Variants in NUPR1 observed in about 807,000 individuals in gnomAD.
The protein encoded by NUPR1 is nuclear protein 1.
In NUPR1, 8 loss-of-function variants were observed where a neutral mutation model predicts 7.3. That is an observed-to-expected ratio of 1.09 (90% confidence interval 0.64 to 1.97). The LOEUF (loss-of-function observed/expected upper bound fraction) is 1.97, where lower values mean the gene tolerates loss of function less well. Ranked by LOEUF, NUPR1 falls within the 30% of genes most tolerant of loss-of-function variation. The pLI, the probability that NUPR1 is intolerant of heterozygous loss-of-function variation, is 0.00. For missense variants in NUPR1, 96 were observed against 111.7 expected (o/e 0.86, Z 0.63); for synonymous variants, 39 against 44.5 (o/e 0.88, Z 0.49).
In NUPR1 at chr16:28,535,659, CTCTT is replaced by C. The variant is rs1331519310; in HGVS notation, c.*2020_*2023del. The C allele has an allele frequency of 7.6e-5, 11 of 144,050 alleles. No individual in the cohort carries two copies. The highest frequency in any genetic ancestry group is 1.4e-4 in the Admixed American group (2 of 13,990). 8.9% of individuals were successfully genotyped at this position (144,050 alleles called of 1,614,324 possible). On this transcript the variant is annotated 3_prime_UTR_variant, in exon 3 of 3. Coordinates refer to ENST00000324873, the MANE Select transcript of NUPR1 (RefSeq NM_012385.3). ...TCTTTCTTCTTTTTCTCTCCTTTCT[CTCTT>C]TCTTTTCTTTCTTCCTTCCTTTCTT...
rs2046641357 is a variant in NUPR1, at chr16:28,538,432, G to A, written c.113-277C>T. 1.7e-5 allele frequency: 10 copies of A among 588,698 alleles called. 1 individual carries two copies. In the South Asian group the frequency reaches 2.0e-4, roughly 12 times the overall value. The allele number at this position is 588,698 out of a possible 1,614,324, so 36.5% of individuals were successfully genotyped here. On this transcript the variant is annotated intron_variant, in intron 1 of 2. Transcript: ENST00000324873. ...GGGCTGGGCAGGGTGGCTCACTCCT[G>A]TAATCTCAGCACTTTGGGAGGCCAA...
In NUPR1 at chr16:28,535,552, TTTC is replaced by T. The variant is rs1659422106; in HGVS notation, c.*2128_*2130del. On this transcript the variant is annotated 3_prime_UTR_variant, in exon 3 of 3. Transcript: ENST00000324873. ...CTTTCTTTCTTTCTTTCCTTCTTTC[TTTC>T]TTTCTTTCCTTCCTTCCTTTCTTTC... 1 of 31,736 alleles carries T rather than the reference TTTC, an allele frequency of 3.2e-5. No individual in the cohort carries two copies. The highest frequency in any genetic ancestry group is 7.8e-5 in the African/African-American group (1 of 12,860). 2.0% of individuals were successfully genotyped at this position (31,736 alleles called of 1,614,324 possible).
rs1567277445 is a variant in NUPR1, at chr16:28,535,564, C to CTTCCTTCTTTCTTTCTTTCT, written c.*2118_*2119insAGAAAGAAAGAAAGAAGGAA. ...CTTTCCTTCTTTCTTTCTTTCTTTC[C>CTTCCTTCTTTCTTTCTTTCT]TTCCTTCCTTTCTTTCTTTCTTTCT... On this transcript the variant is annotated 3_prime_UTR_variant, in exon 3 of 3. Transcript: ENST00000324873. The CTTCCTTCTTTCTTTCTTTCT allele has an allele frequency of 3.8e-4, 22 of 57,776 alleles. 2 individuals are homozygous for CTTCCTTCTTTCTTTCTTTCT. The highest frequency in any genetic ancestry group is 6.9e-4 in the Non-Finnish European group (19 of 27,570). 3.6% of individuals were successfully genotyped at this position (57,776 alleles called of 1,614,324 possible).
At position 28,537,614 on chromosome 16, in the gene NUPR1, C is replaced by T. The variant is rs529396681; in HGVS notation, c.*69G>A. 3 of 162,984 alleles carry T rather than the reference C, an allele frequency of 1.8e-5. No homozygotes were observed. Among genetic ancestry groups the T allele is most frequent in the South Asian group, 1.7e-4 (1 of 6,000 alleles). 10.1% of individuals were successfully genotyped at this position (162,984 alleles called of 1,614,324 possible). A position where few individuals can be genotyped will look rare whatever the true frequency, so the allele number is the denominator to read the frequency against. ...GGCCTGGATCCTGTCCTGGGTCCTC[C>T]TTCCTCCGCAGTCCCGTCTCTATTG... On this transcript the variant is annotated 3_prime_UTR_variant, in exon 3 of 3. Transcript: ENST00000324873.
At position 28,538,794 on chromosome 16, in the gene NUPR1, A is replaced by G. The variant is rs778224080; in HGVS notation, c.112+2T>C. On this transcript the variant is annotated splice_donor_variant, in intron 1 of 2. Transcript: ENST00000324873. LOFTEE classifies it high-confidence loss of function. ...CCGTGGAGATGGCTGAGTGGGCCTTACCGAGGTAGGAATGGGCCAGGCTAT... is the reference window on the plus strand; with the variant it reads ...CCGTGGAGATGGCTGAGTGGGCCTTGCCGAGGTAGGAATGGGCCAGGCTAT... 4 of 1,604,016 alleles carry G rather than the reference A, an allele frequency of 2.5e-6. No homozygotes were observed. In the Admixed American group the frequency reaches 5.1e-5, roughly 21 times the overall value.
chr16:28,535,567 C>CTTTCTTTCTTTCTTTCCTTTCTTT lies in NUPR1; in HGVS notation c.*2115_*2116insAAAGAAAGGAAAGAAAGAAAGAAA, dbSNP rs1359794297. On this transcript the variant is annotated 3_prime_UTR_variant, in exon 3 of 3. Transcript: ENST00000324873. ...TCCTTCTTTCTTTCTTTCTTTCCTT[C>CTTTCTTTCTTTCTTTCCTTTCTTT]CTTCCTTTCTTTCTTTCTTTCTTTC... 17 of 67,418 alleles carry CTTTCTTTCTTTCTTTCCTTTCTTT rather than the reference C, an allele frequency of 2.5e-4. No individual in the cohort carries two copies. Among genetic ancestry groups the CTTTCTTTCTTTCTTTCCTTTCTTT allele is most frequent in the East Asian group, 1.7e-3 (2 of 1,172 alleles). 4.2% of individuals were successfully genotyped at this position (67,418 alleles called of 1,614,324 possible).
chr16:28,535,576 C>CTTTCTTTTCTTTCTTTCTTTCT lies in NUPR1; in HGVS notation c.*2106_*2107insAGAAAGAAAGAAAGAAAAGAAA, dbSNP rs1555472559. 5.6e-4 allele frequency: 22 copies of CTTTCTTTTCTTTCTTTCTTTCT among 39,354 alleles called. No individual in the cohort carries two copies. The highest frequency in any genetic ancestry group is 3.0e-3 in the African/African-American group (19 of 6,284). 2.4% of individuals were successfully genotyped at this position (39,354 alleles called of 1,614,324 possible). A position where few individuals can be genotyped will look rare whatever the true frequency, so the allele number is the denominator to read the frequency against. ...CTTTCTTTCTTTCCTTCCTTCCTTT[C>CTTTCTTTTCTTTCTTTCTTTCT]TTTCTTTCTTTCTTTCTTTCTTTCT... On this transcript the variant is annotated 3_prime_UTR_variant, in exon 3 of 3. Coordinates refer to ENST00000324873, the MANE Select transcript of NUPR1 (RefSeq NM_012385.3).
At position 28,535,540 on chromosome 16, in the gene NUPR1, TTTCCTTCTTTCTTTCTTTCTTTCCTTCC is replaced by T. The variant is rs2046606821; in HGVS notation, c.*2115_*2142del. 1 of 65,060 alleles carries T rather than the reference TTTCCTTCTTTCTTTCTTTCTTTCCTTCC, an allele frequency of 1.5e-5. No homozygotes were observed. The highest frequency in any genetic ancestry group is 4.8e-5 in the African/African-American group (1 of 20,778). The allele number at this position is 65,060 out of a possible 1,614,324, so 4.0% of individuals were successfully genotyped here. On this transcript the variant is annotated 3_prime_UTR_variant, in exon 3 of 3. Coordinates refer to ENST00000324873, the MANE Select transcript of NUPR1 (RefSeq NM_012385.3). ...CTTTCTTTCTTTCTTTCTTTCTTTC[TTTCCTTCTTTCTTTCTTTCTTTCCTTCC>T]TTCCTTTCTTTCTTTCTTTCTTTCT...
intron 2 of NUPR1, 80 bp downstream of exon 2, chr16:28,537,926 C>G (rs1205188648): frequency 1.7e-6 from 2 of 1,182,004 alleles, no homozygotes; most frequent in African/African-American, 3.1e-5. Context: ...TCCCTCCTCC[C>G]CACCCAATCA....
Position 28,538,898 on chromosome 16 carries a change from A to G in NUPR1, c.10T>C (p.Phe4Leu). The change falls in exon 1 of 3, where the codon TTC becomes CTC. Residue 4 changes from phenylalanine (F) to leucine (L), a missense_variant. Coordinates refer to ENST00000324873, the MANE Select transcript of NUPR1 (RefSeq NM_012385.3). Reference sequence around the variant, plus strand: ...TGGGGGGCGCTGGTTGCTGGTGGGAAGGTGGCCATCGTGCCTGGCTTGTCT... The same window carrying G: ...TGGGGGGCGCTGGTTGCTGGTGGGAGGGTGGCCATCGTGCCTGGCTTGTCT... MAT[F>L]PPATSAPQQP... 1 of 1,612,614 alleles carries G rather than the reference A, an allele frequency of 6.2e-7. No homozygotes were observed. The highest frequency in any genetic ancestry group is 8.5e-7 in the Non-Finnish European group (1 of 1,179,664).
chr16:28,538,611 G>A (rs545487363), intron 1 of NUPR1, 185 bp downstream of exon 1: 10 of 693,256 alleles, frequency 1.4e-5, no homozygotes, highest in East Asian at 5.6e-5. Context: ...TCGAGGCTGC[G>A]GTGAGTTGTT....
At position 28,535,616 on chromosome 16, in the gene NUPR1, CTTTCTTCTCTT is replaced by C. The variant is rs1567277718; in HGVS notation, c.*2056_*2066del. 5.9e-4 allele frequency: 14 copies of C among 23,720 alleles called. No homozygotes were observed. The highest frequency in any genetic ancestry group is 1.4e-3 in the Admixed American group (2 of 1,470). The allele number at this position is 23,720 out of a possible 1,614,324, so 1.5% of individuals were successfully genotyped here. A position where few individuals can be genotyped will look rare whatever the true frequency, so the allele number is the denominator to read the frequency against. On this transcript the variant is annotated 3_prime_UTR_variant, in exon 3 of 3. Transcript: ENST00000324873. Reference sequence around the variant, plus strand: ...TCTTTCTTTCTTTCTTTCTTTCTTTCTTTCTTCTCTTTCTCTCTCTTTCTTCTTTTTCTCTC... The same window carrying C: ...TCTTTCTTTCTTTCTTTCTTTCTTTCTCTCTCTCTTTCTTCTTTTTCTCTC...
intron 2 of NUPR1, 134 bp downstream of exon 2, chr16:28,537,872 A>G (rs1213825425): frequency 2.3e-5 from 17 of 736,236 alleles, no homozygotes; most frequent in Non-Finnish European, 3.8e-5. Flanking sequence ...TCACAATCAA[A>G]CATATGTCTC....
rs764959513 is a variant in NUPR1 at position 28,538,949 on chromosome 16, G to A, written c.-42C>T. 4 of 1,533,074 alleles carry A rather than the reference G, an allele frequency of 2.6e-6. No homozygotes were observed. Among genetic ancestry groups the A allele is most frequent in the African/African-American group, 1.4e-5 (1 of 73,124 alleles). The allele number at this position is 1,533,074 out of a possible 1,614,324, so 95.0% of individuals were successfully genotyped here. On this transcript the variant is annotated 5_prime_UTR_variant, in exon 1 of 3. Coordinates refer to ENST00000324873, the MANE Select transcript of NUPR1 (RefSeq NM_012385.3). ...TCCCTGCCTCTCTTCTTCTCCTAAC[G>A]CTTTGTCTGTCTCTGCTTTCCTGGC...
intron 1 of NUPR1, chr16:28,538,490 G>T: frequency 1.8e-6 from 1 of 565,148 alleles, no homozygotes. Flanking sequence ...AGGAATTTGG[G>T]ATCAGCCTGG....
rs2046591458 is a variant in NUPR1, at chr16:28,533,029, C to T, written c.*4654G>A. ...TTTCCAGGATTTTCTGAAGCCAACA[C>T]ACCAGGTCTGTGCTGGGCTGAGGGC... On this transcript the variant is annotated 3_prime_UTR_variant, in exon 3 of 3. Coordinates refer to ENST00000324873, the MANE Select transcript of NUPR1 (RefSeq NM_012385.3). 1 of 152,264 alleles carries T rather than the reference C, an allele frequency of 6.6e-6. No homozygotes were observed. The highest frequency in any genetic ancestry group is 6.5e-5 in the Admixed American group (1 of 15,274). 9.4% of individuals were successfully genotyped at this position (152,264 alleles called of 1,614,324 possible). A position where few individuals can be genotyped will look rare whatever the true frequency, so the allele number is the denominator to read the frequency against.
At position 28,535,588 on chromosome 16, in the gene NUPR1, C is replaced by CTTTTCTTTCTTTCT. The variant is rs1463819923; in HGVS notation, c.*2094_*2095insAGAAAGAAAGAAAA. Reference sequence around the variant, plus strand: ...CCTTCCTTCCTTTCTTTCTTTCTTTCTTTCTTTCTTTCTTTCTTTCTTTCT... The same window carrying CTTTTCTTTCTTTCT: ...CCTTCCTTCCTTTCTTTCTTTCTTTCTTTTCTTTCTTTCTTTTCTTTCTTTCTTTCTTTCTTTCT... On this transcript the variant is annotated 3_prime_UTR_variant, in exon 3 of 3. Coordinates refer to ENST00000324873, the MANE Select transcript of NUPR1 (RefSeq NM_012385.3). 71 of 19,460 alleles carry CTTTTCTTTCTTTCT rather than the reference C, an allele frequency of 3.6e-3. 1 individual carries two copies. Among genetic ancestry groups the CTTTTCTTTCTTTCT allele is most frequent in the African/African-American group, 9.9e-3 (49 of 4,962 alleles). 1.2% of individuals were successfully genotyped at this position (19,460 alleles called of 1,614,324 possible).
Position 28,533,925 on chromosome 16 carries a change from G to C in NUPR1, c.*3758C>G, listed in dbSNP as rs1696371692. 1 of 152,198 alleles carries C rather than the reference G, an allele frequency of 6.6e-6. No individual in the cohort carries two copies. Among genetic ancestry groups the C allele is most frequent in the African/African-American group, 2.4e-5 (1 of 41,412 alleles). The allele number at this position is 152,198 out of a possible 1,614,324, so 9.4% of individuals were successfully genotyped here. A position where few individuals can be genotyped will look rare whatever the true frequency, so the allele number is the denominator to read the frequency against. On this transcript the variant is annotated 3_prime_UTR_variant, in exon 3 of 3. Transcript: ENST00000324873. ...AGGCAGGCAGATCACCTGAGGTCGG[G>C]AGTTTGAGACCAGCCTGGGCAACAT... is the stretch of plus-strand genomic sequence containing the variant.
chr16:28,536,869 G>T lies in NUPR1; in HGVS notation c.*814C>A, dbSNP rs1440262119. On this transcript the variant is annotated 3_prime_UTR_variant, in exon 3 of 3. Coordinates refer to ENST00000324873, the MANE Select transcript of NUPR1 (RefSeq NM_012385.3). ...AGTGGAGATGGGGTTTCACCATGTT[G>T]GTCAGGCTGGTCTTGAACTCCTGAC... 1 of 151,950 alleles carries T rather than the reference G, an allele frequency of 6.6e-6. No homozygotes were observed. The highest frequency in any genetic ancestry group is 6.6e-5 in the Admixed American group (1 of 15,250). 9.4% of individuals were successfully genotyped at this position (151,950 alleles called of 1,614,324 possible).
Sources: gnomAD v4.1 joint callset for allele counts on GRCh38, gnomAD v4.1.1 for gene constraint, MANE v1.5 for transcripts, NCBI Gene and HGNC (gene_info 2026-07-23, HGNC 2026-07-21) for gene names.